Variants in ACKR2 observed in about 807,000 individuals in gnomAD.
ACKR2 encodes the protein atypical chemokine receptor 2.
For synonymous variants in ACKR2, 207 were observed against 192.2 expected (o/e 1.08, Z -0.64); for missense variants, 457 against 477.3 (o/e 0.96, Z 0.40).
At chr3:42,862,806 T>C (rs191054047) in intron 2 of ACKR2, among the ~76,000 whole-genome samples, 14 of 152,278 alleles carry the variant, frequency 9.2e-5, no homozygotes, top group African/African-American at 3.1e-4. Context: ...TGGCTAGCCA[T>C]ATGCAAAGAA....
At chr3:42,822,579 G>A (rs1429386032) in intron 2 of ACKR2, among the ~76,000 whole-genome samples, 1 of 152,114 alleles carries the variant, frequency 6.6e-6, no homozygotes, top group Non-Finnish European at 1.5e-5. Context: ...CAGGCTGGGT[G>A]CGGTGGCTCA....
chr3:42,828,429 AT>A, intron 2 of ACKR2, among the ~76,000 whole-genome samples: 1 of 152,082 alleles, frequency 6.6e-6, no homozygotes, highest in Non-Finnish European at 1.5e-5. Flanking sequence ...TTATATTTTG[AT>A]TTCAGATAAG....
intron 2 of ACKR2, chr3:42,856,295 C>T: frequency 2.9e-6 from 2 of 687,402 alleles, no homozygotes; most frequent in Non-Finnish European, 5.3e-6. Context: ...GTCCAGATGC[C>T]ATCGGATAGG....
chr3:42,864,488 G>A lies in ACKR2; in HGVS notation c.-15G>A, dbSNP rs930751389. 2 of 1,582,932 alleles carry A rather than the reference G, an allele frequency of 1.3e-6. No homozygotes were observed. The highest frequency in any genetic ancestry group is 2.7e-5 in the African/African-American group (2 of 74,418). On this transcript the variant is annotated 5_prime_UTR_variant, in exon 3 of 3. Transcript: ENST00000422265. ...CAGCACTACAGGACGTCGGGACTGGGCATTTCCTTCCAACATGGCCGCCAC... is the reference window on the plus strand; with the variant it reads ...CAGCACTACAGGACGTCGGGACTGGACATTTCCTTCCAACATGGCCGCCAC...
chr3:42,857,233 A>G (rs895160314), intron 2 of ACKR2, among the ~76,000 whole-genome samples: 11 of 152,116 alleles, frequency 7.2e-5, no homozygotes, highest in African/African-American at 2.2e-4. Flanking sequence ...ACATATTTTT[A>G]TGGGACTTAG....
At chr3:42,863,708 A>G (rs2088405593) in intron 2 of ACKR2, among the ~76,000 whole-genome samples, 1 of 152,232 alleles carries the variant, frequency 6.6e-6, no homozygotes, top group African/African-American at 2.4e-5. Context: ...TGTCCTTTGC[A>G]GGGACATGGA....
chr3:42,859,479 C>G (rs755350581), intron 2 of ACKR2, among the ~76,000 whole-genome samples: 46 of 151,874 alleles, frequency 3.0e-4, no homozygotes, highest in Non-Finnish European at 5.3e-4. Context: ...CCTGGGTTCA[C>G]GCCATTCTCC....
rs1700789464 is a variant in ACKR2, at chr3:42,819,620, A to T, written c.-118-11A>T. 6.6e-6 allele frequency: 1 copy of T among 152,334 alleles called. No homozygotes were observed. The highest frequency in any genetic ancestry group is 2.1e-4 in the South Asian group (1 of 4,830). 9.4% of individuals were successfully genotyped at this position (152,334 alleles called of 1,614,324 possible). A position where few individuals can be genotyped will look rare whatever the true frequency, so the allele number is the denominator to read the frequency against. Reference sequence around the variant, plus strand: ...GAACCTCTATTGTGTCCTTCTTTGTATTGCCCACAGAGCCTGTTGGTGACC... The same window carrying T: ...GAACCTCTATTGTGTCCTTCTTTGTTTTGCCCACAGAGCCTGTTGGTGACC... On this transcript the variant is annotated splice_polypyrimidine_tract_variant and intron_variant, in intron 1 of 2. Coordinates refer to ENST00000422265, the MANE Select transcript of ACKR2 (RefSeq NM_001296.5).
chr3:42,821,125 C>G (rs1208472312), intron 2 of ACKR2, among the ~76,000 whole-genome samples: 1 of 152,132 alleles, frequency 6.6e-6, no homozygotes, highest in Non-Finnish European at 1.5e-5. Flanking sequence ...ACCTCGTGAT[C>G]CACCCGCCTC....
At chr3:42,818,990 G>A (rs1358991757) in intron 1 of ACKR2, among the ~76,000 whole-genome samples, 3 of 151,730 alleles carry the variant, frequency 2.0e-5, no homozygotes, top group South Asian at 2.1e-4. Flanking sequence ...TTGCTGGGGT[G>A]TTGGTGGGGG....
chr3:42,823,693 G>A (rs972918754), intron 2 of ACKR2, among the ~76,000 whole-genome samples: 12 of 152,126 alleles, frequency 7.9e-5, no homozygotes, highest in African/African-American at 2.9e-4. Flanking sequence ...ATGCCCTGAG[G>A]GAACTAACAC....
chr3:42,855,797 GT>G (rs2088311229), intron 2 of ACKR2, among the ~76,000 whole-genome samples: 1 of 152,206 alleles, frequency 6.6e-6, no homozygotes, highest in Non-Finnish European at 1.5e-5. Context: ...GGAATAGAGT[GT>G]TCCATGTAGA....
At chr3:42,828,131 A>G (rs1700892248) in intron 2 of ACKR2, among the ~76,000 whole-genome samples, 1 of 135,090 alleles carries the variant, frequency 7.4e-6, no homozygotes, top group Admixed American at 7.5e-5. Context: ...CTTTTCTGAG[A>G]CAGAGTCTTG....
intron 2 of ACKR2, among the ~76,000 whole-genome samples, chr3:42,863,446 G>C (rs910991536): frequency 6.6e-6 from 1 of 152,228 alleles, no homozygotes; most frequent in Admixed American, 6.5e-5. Context: ...GTGGAAGACA[G>C]TGTGGTGATT....
At chr3:42,829,706 G>A (rs930780715) in intron 2 of ACKR2, among the ~76,000 whole-genome samples, 2 of 152,144 alleles carry the variant, frequency 1.3e-5, no homozygotes, top group African/African-American at 2.4e-5. Flanking sequence ...ACTAGGAGAG[G>A]GACCTCTTGA....
At chr3:42,853,185 C>T (rs62247905) in intron 2 of ACKR2, among the ~76,000 whole-genome samples, 7,753 of 152,182 alleles carry the variant, frequency 0.051, 232 homozygotes, top group South Asian at 0.12. Flanking sequence ...CCTGCAAGCC[C>T]GAGGAAGGGG....
chr3:42,826,782 G>A (rs1014490863), intron 2 of ACKR2, among the ~76,000 whole-genome samples: 9 of 152,132 alleles, frequency 5.9e-5, no homozygotes, highest in Middle Eastern at 3.4e-3. Context: ...TTTCAGTTTA[G>A]TTTGCCCTTC....
intron 2 of ACKR2, among the ~76,000 whole-genome samples, chr3:42,846,383 C>T (rs1217550644): frequency 1.3e-5 from 2 of 152,236 alleles, no homozygotes; most frequent in Non-Finnish European, 2.9e-5. Flanking sequence ...AGAAATGAAA[C>T]TGGCTCCAGA....
intron 2 of ACKR2, among the ~76,000 whole-genome samples, chr3:42,830,218 A>G (rs556741373): frequency 6.6e-6 from 1 of 152,274 alleles, no homozygotes; most frequent in South Asian, 2.1e-4. Context: ...CAAAGGAAGT[A>G]TGTCTAAGGA....
Sources: gnomAD v4.1 joint callset for allele counts (sites outside exome capture counted in the v4.1 genomes callset) on GRCh38, gnomAD v4.1.1 for gene constraint, MANE v1.5 for transcripts, NCBI Gene and HGNC (gene_info 2026-07-23, HGNC 2026-07-21) for gene names.